Variants in PIEZO2 observed in about 807,000 individuals in gnomAD.
PIEZO2 encodes piezo type mechanosensitive ion channel component 2.
Under a neutral mutation model 337.3 loss-of-function variants are expected in PIEZO2, and 172 were observed. The observed-to-expected ratio is 0.51, with a 90% CI of 0.45 to 0.58. The LOEUF (loss-of-function observed/expected upper bound fraction) is 0.58. Among genes scored for constraint, PIEZO2 ranks in the 20% least tolerant of loss-of-function variants. The pLI is 0.00. For missense variants in PIEZO2, 3,028 were observed against 3,391.3 expected, an observed-to-expected ratio of 0.89 and a Z score of 2.66; for synonymous variants, 1,251 against 1,228.5, an observed-to-expected ratio of 1.02 and a Z score of -0.38.
chr18:10,886,404 A>ATGTGTGTGTGTGTGTGTGTGTGTG (rs1183513824), intron 4 of PIEZO2, among the ~76,000 whole-genome samples: 1 of 52,370 alleles, frequency 1.9e-5, no homozygotes, highest in African/African-American at 1.3e-4. Flanking sequence ...ATATATATAT[A>ATGTGTGTGTGTGTGTGTGTGTGTG]TATATATATA....
chr18:11,048,905 A>G lies in PIEZO2; in HGVS notation c.160+17222T>C, dbSNP rs1270537215. Among the ~76,000 whole-genome samples, 4 of 152,232 alleles carry G rather than the reference A, an allele frequency of 2.6e-5. No homozygotes were observed. Among genetic ancestry groups the G allele is most frequent in the Non-Finnish European group, 5.9e-5 (4 of 68,036 alleles). On this transcript the variant is annotated intron_variant, in intron 2 of 55. Coordinates refer to ENST00000674853, the MANE Select transcript of PIEZO2 (RefSeq NM_001378183.1). This position sits in a 1 kb window ranked among gnomAD's most constrained non-coding sequence, Gnocchi z 4.5. ...ATATAAATTTTCATCTCAAAAGGCT[A>G]TTTCCTGTGAATCAACTCAAATTCA... is the stretch of plus-strand genomic sequence containing the variant.
In PIEZO2 at chr18:11,031,852, T is replaced by C. The variant is rs1415607166; in HGVS notation, c.160+34275A>G. Among the ~76,000 whole-genome samples, 1 of 152,180 alleles carries C rather than the reference T, an allele frequency of 6.6e-6. No homozygotes were observed. The highest frequency in any genetic ancestry group is 1.5e-5 in the Non-Finnish European group (1 of 68,038). On this transcript the variant is annotated intron_variant, in intron 2 of 55. Coordinates refer to ENST00000674853, the MANE Select transcript of PIEZO2 (RefSeq NM_001378183.1). This position sits in a 1 kb window ranked among gnomAD's most constrained non-coding sequence, Gnocchi z 4.7. Reference sequence around the variant, plus strand: ...TGGCTATTTATTAATCTATTGGGTGTATTTTAATATTTTATAATCCATTTG... The same window carrying C: ...TGGCTATTTATTAATCTATTGGGTGCATTTTAATATTTTATAATCCATTTG...
intron 1 of PIEZO2, among the ~76,000 whole-genome samples, chr18:11,090,915 A>G (rs1280328920): frequency 5.7e-5 from 4 of 70,056 alleles, no homozygotes; most frequent in Non-Finnish European, 9.2e-5. Context: ...CTCCGTCTAA[A>G]AAAAAAAAAA....
intron 3 of PIEZO2, among the ~76,000 whole-genome samples, chr18:10,919,462 C>T (rs749996405): frequency 1.3e-5 from 2 of 152,006 alleles, no homozygotes; most frequent in African/African-American, 4.8e-5. Flanking sequence ...TATCCAAATA[C>T]GTCAACTCAA....
In PIEZO2 at chr18:10,748,470, C is replaced by T. The variant is rs2037513303; in HGVS notation, c.4424+1G>A. 6.5e-7 allele frequency: 1 copy of T among 1,536,990 alleles called. No homozygotes were observed. The highest frequency in any genetic ancestry group is 8.7e-7 in the Non-Finnish European group (1 of 1,146,790). ...CCACCTGATTTCATGGCCTGACCCA[C>T]CTTGATGCCAGAATCTGGGAAGCTT... On this transcript the variant is annotated splice_donor_variant, in intron 30 of 55. Transcript: ENST00000674853. LOFTEE classifies it high-confidence loss of function. This position sits in a 1 kb window ranked among gnomAD's most constrained non-coding sequence, Gnocchi z 5.1.
At position 10,784,752 on chromosome 18, in the gene PIEZO2, A is replaced by G; in HGVS notation, c.2492+32T>C. 1 of 1,491,330 alleles carries G rather than the reference A, an allele frequency of 6.7e-7. No homozygotes were observed. Among genetic ancestry groups the G allele is most frequent in the South Asian group, 1.3e-5 (1 of 76,578 alleles). The allele number at this position is 1,491,330 out of a possible 1,614,324, so 92.4% of individuals were successfully genotyped here. On this transcript the variant is annotated intron_variant, in intron 17 of 55. Coordinates refer to ENST00000674853, the MANE Select transcript of PIEZO2 (RefSeq NM_001378183.1). The surrounding 1 kb of genome is among the most constrained non-coding windows in gnomAD (Gnocchi z 4.5). ...GGGTTGAAGAGCTGCCTTCCTGCTA[A>G]TAAGAGGTCTGTGTTTCTTCCAGTG...
chr18:10,799,816 AC>A (rs1418003193), intron 11 of PIEZO2, among the ~76,000 whole-genome samples: 9 of 151,674 alleles, frequency 5.9e-5, no homozygotes, highest in African/African-American at 2.2e-4. Flanking sequence ...CTACTAAAAT[AC>A]AAAAAATTAG....
intron 2 of PIEZO2, among the ~76,000 whole-genome samples, chr18:11,064,851 G>A (rs940231634): frequency 1.3e-5 from 2 of 152,174 alleles, no homozygotes; most frequent in Non-Finnish European, 2.9e-5. Context: ...TGGAAAAGGA[G>A]CTCCACACCG....
Position 10,783,670 on chromosome 18 carries a change from T to C in PIEZO2, c.2492+1114A>G, listed in dbSNP as rs1198670770. 4.6e-5 allele frequency among the ~76,000 whole-genome samples: 7 copies of C among 152,156 alleles called. No individual in the cohort carries two copies. Among genetic ancestry groups the C allele is most frequent in the African/African-American group, 2.4e-5 (1 of 41,428 alleles). The stretch of plus-strand genomic sequence containing the variant: ...GAGCCTGATTTTCCTGGTGGCTAGA[T>C]AGCAAAACAAGTCATGACTGATTGA... On this transcript the variant is annotated intron_variant, in intron 17 of 55. Coordinates refer to ENST00000674853, the MANE Select transcript of PIEZO2 (RefSeq NM_001378183.1). The surrounding 1 kb of genome is among the most constrained non-coding windows in gnomAD (Gnocchi z 4.3).
At chr18:10,967,455 G>A (rs8099509) in intron 3 of PIEZO2, among the ~76,000 whole-genome samples, 75,251 of 151,922 alleles carry the variant, frequency 0.5, 18,796 homozygotes, top group Middle Eastern at 0.53. Flanking sequence ...TTTTCCTCTA[G>A]GTAGGCACCA....
rs147648726 is a variant in PIEZO2, at chr18:10,799,289, T to C, written c.1378+1048A>G. Among the ~76,000 whole-genome samples, 301 of 152,372 alleles carry C rather than the reference T, an allele frequency of 2.0e-3. 2 individuals carry two copies. Among genetic ancestry groups the C allele is most frequent in the African/African-American group, 6.9e-3 (288 of 41,594 alleles). On this transcript the variant is annotated intron_variant, in intron 11 of 55. Transcript: ENST00000674853. The stretch of plus-strand genomic sequence containing the variant: ...GAGATGCAAATCCACTCTAGTTTTA[T>C]AGTCGCTTTGTAATTCTGTCTTTAT...
At position 11,078,135 on chromosome 18, in the gene PIEZO2, CACACACACTCACCACACACACACAT is replaced by C. The variant is rs2038616863; in HGVS notation, c.65-11938_65-11914del. On this transcript the variant is annotated intron_variant, in intron 1 of 55. Transcript: ENST00000674853. This position sits in a 1 kb window ranked among gnomAD's most constrained non-coding sequence, Gnocchi z 5.3. ...CATATACACACCATACACACACATACACACACACTCACCACACACACACATACACACACCACACACACATACACAC... is the reference window on the plus strand; with the variant it reads ...CATATACACACCATACACACACATACACACACACCACACACACATACACAC... Among the ~76,000 whole-genome samples the C allele has an allele frequency of 6.8e-6, 1 of 147,320 alleles. No homozygotes were observed. The highest frequency in any genetic ancestry group is 2.7e-5 in the African/African-American group (1 of 37,618).
intron 2 of PIEZO2, among the ~76,000 whole-genome samples, chr18:11,061,329 C>T (rs1427887252): frequency 6.6e-6 from 1 of 150,802 alleles, no homozygotes; most frequent in Non-Finnish European, 1.5e-5. Context: ...GGAAGCATTC[C>T]CTTTGAAAAC....
rs1255146306 is a variant in PIEZO2 at position 10,953,241 on chromosome 18, T to G, written c.286+26294A>C. 6.6e-6 allele frequency among the ~76,000 whole-genome samples: 1 copy of G among 152,204 alleles called. No homozygotes were observed. Among genetic ancestry groups the G allele is most frequent in the Non-Finnish European group, 1.5e-5 (1 of 68,028 alleles). On this transcript the variant is annotated intron_variant, in intron 3 of 55. Coordinates refer to ENST00000674853, the MANE Select transcript of PIEZO2 (RefSeq NM_001378183.1). The surrounding 1 kb of genome is among the most constrained non-coding windows in gnomAD (Gnocchi z 5.2). ...TTTTGAAGAGCAGAAGTTCTTCATT[T>G]TGATGAAGTGTAATTTATCAGTTTT...
chr18:10,733,236 A>T (rs555685946), intron 35 of PIEZO2, among the ~76,000 whole-genome samples: 22 of 152,302 alleles, frequency 1.4e-4, no homozygotes, highest in African/African-American at 5.1e-4. Context: ...GAATTGAGGT[A>T]TGCAAACTGG....
intron 36 of PIEZO2, chr18:10,725,327 G>A: frequency 9.4e-6 from 15 of 1,601,256 alleles, no homozygotes; most frequent in Non-Finnish European, 1.2e-5. Flanking sequence ...GCGTCGAAGA[G>A]GTTGTGGTGC....
Position 11,032,609 on chromosome 18 carries a change from G to T in PIEZO2, c.160+33518C>A, listed in dbSNP as rs554321439. Among the ~76,000 whole-genome samples the T allele has an allele frequency of 8.5e-5, 13 of 152,174 alleles. No individual in the cohort carries two copies. The highest frequency in any genetic ancestry group is 1.5e-4 in the Non-Finnish European group (10 of 68,028). On this transcript the variant is annotated intron_variant, in intron 2 of 55. Transcript: ENST00000674853. This position sits in a 1 kb window ranked among gnomAD's most constrained non-coding sequence, Gnocchi z 4.9. Reference sequence around the variant, plus strand: ...TGGAGATTTTGAAATACAAAGGATAGGTTTGTGCCTTTCAAAAAGGCAGTA... The same window carrying T: ...TGGAGATTTTGAAATACAAAGGATATGTTTGTGCCTTTCAAAAAGGCAGTA...
chr18:10,791,071 A>G, intron 14 of PIEZO2, 130 bp downstream of exon 14: 1 of 1,067,114 alleles, frequency 9.4e-7, no homozygotes, highest in South Asian at 1.7e-5. Context: ...CGCTGTAATA[A>G]CGTTACTTAT....
intron 49 of PIEZO2, among the ~76,000 whole-genome samples, chr18:10,689,204 A>G (rs1216426120): frequency 2.0e-5 from 3 of 152,252 alleles, no homozygotes; most frequent in East Asian, 1.9e-4. Context: ...AAACCTTAAT[A>G]TTCAGCCTGG....
Sources: gnomAD v4.1 joint callset for allele counts (sites outside exome capture counted in the v4.1 genomes callset) on GRCh38, gnomAD v4.1.1 for gene constraint, Gnocchi (gnomAD v3.1) non-coding constraint, MANE v1.5 for transcripts, NCBI Gene and HGNC (gene_info 2026-07-23, HGNC 2026-07-21) for gene names.